SYNJ1: variants seen among roughly 807,000 people sequenced by gnomAD.
The protein encoded by SYNJ1 is polyphosphatidylinositol phosphatase SYNJ1.
A neutral mutation model predicts 168.2 loss-of-function variants in SYNJ1; 78 were observed. The ratio of observed to expected loss-of-function variants is 0.46; its 90% CI spans 0.39 to 0.56. The LOEUF is 0.56. Among genes scored for constraint, SYNJ1 ranks in the 20% least tolerant of loss-of-function variants. SYNJ1 has a pLI of 0.00. For synonymous variants in SYNJ1, 539 were observed against 548.6 expected, an observed-to-expected ratio of 0.98 and a Z score of 0.24; for missense variants, 1,303 against 1,597.6, an observed-to-expected ratio of 0.82 and a Z score of 3.14.
intron 5 of SYNJ1, among the ~76,000 whole-genome samples, chr21:32,694,748 T>G (rs548116778): frequency 6.6e-4 from 101 of 152,272 alleles, no homozygotes; most frequent in African/African-American, 2.4e-3. Context: ...TTAATTTCAC[T>G]TCACAAAAAA....
chr21:32,652,409 C>T (rs1438963255), intron 22 of SYNJ1, among the ~76,000 whole-genome samples: 1 of 152,182 alleles, frequency 6.6e-6, no homozygotes, highest in Non-Finnish European at 1.5e-5. Flanking sequence ...CCATGTTGGC[C>T]AGGCTGGTCT....
At chr21:32,718,490 T>C (rs1182105199) in intron 2 of SYNJ1, among the ~76,000 whole-genome samples, 2 of 152,194 alleles carry the variant, frequency 1.3e-5, no homozygotes, top group Non-Finnish European at 2.9e-5. Flanking sequence ...AAATGAATTT[T>C]TGCAACCCTA....
At position 32,628,888 on chromosome 21, in the gene SYNJ1, A is replaced by G. The variant is rs1398243097; in HGVS notation, c.*2917T>C. 1 of 152,700 alleles carries G rather than the reference A, an allele frequency of 6.5e-6. No individual in the cohort carries two copies. Among genetic ancestry groups the G allele is most frequent in the Non-Finnish European group, 1.5e-5 (1 of 68,052 alleles). 9.5% of individuals were successfully genotyped at this position (152,700 alleles called of 1,614,324 possible). A position where few individuals can be genotyped will look rare whatever the true frequency, so the allele number is the denominator to read the frequency against. On this transcript the variant is annotated 3_prime_UTR_variant, in exon 33 of 33. Coordinates refer to ENST00000674351, the MANE Select transcript of SYNJ1 (RefSeq NM_203446.3). ...TATAGTTATAAATATTGTATGCCAC[A>G]TAAGCAATAAAATTCTTACATATAA...
At chr21:32,688,420 A>G in intron 6 of SYNJ1, 53 bp from the exon 7 acceptor site, 1 of 1,473,928 alleles carries the variant, frequency 6.8e-7, no homozygotes, top group Non-Finnish European at 9.4e-7. Context: ...TATAGACGAA[A>G]GAAATATCAC....
chr21:32,717,337 T>C (rs1243709450), intron 2 of SYNJ1, among the ~76,000 whole-genome samples: 1 of 152,194 alleles, frequency 6.6e-6, no homozygotes, highest in African/African-American at 2.4e-5. Context: ...ATATTTACAA[T>C]AGCTGTTTTA....
At chr21:32,636,702 T>C (rs2039581153) in intron 31 of SYNJ1, among the ~76,000 whole-genome samples, 1 of 152,026 alleles carries the variant, frequency 6.6e-6, no homozygotes, top group Non-Finnish European at 1.5e-5. Context: ...CTCACCTGCC[T>C]CCTGGCCCCC....
intron 15 of SYNJ1, among the ~76,000 whole-genome samples, chr21:32,667,877 C>A (rs1455442961): frequency 6.6e-6 from 1 of 152,066 alleles, no homozygotes; most frequent in African/African-American, 2.4e-5. Context: ...TTTCTTCCCA[C>A]TAGAATACGA....
chr21:32,717,944 G>A (rs977969610), intron 2 of SYNJ1, among the ~76,000 whole-genome samples: 1 of 152,194 alleles, frequency 6.6e-6, no homozygotes, highest in Non-Finnish European at 1.5e-5. Flanking sequence ...GTAAGCTGGA[G>A]CATTCATAAA....
intron 29 of SYNJ1, among the ~76,000 whole-genome samples, chr21:32,640,419 C>A (rs2039779853): frequency 6.6e-6 from 1 of 152,056 alleles, no homozygotes. Flanking sequence ...CCTCAGCCTT[C>A]CGAGTAGCTG....
At chr21:32,676,652 G>A (rs572906888) in intron 12 of SYNJ1, among the ~76,000 whole-genome samples, 2 of 152,236 alleles carry the variant, frequency 1.3e-5, no homozygotes, top group African/African-American at 4.8e-5. Context: ...GCATGCATGC[G>A]CACATGTTTG....
Position 32,641,849 on chromosome 21 carries a change from AG to A in SYNJ1, c.3588+46del, listed in dbSNP as rs749706095. The A allele has an allele frequency of 2.4e-5, 35 of 1,434,714 alleles. No homozygotes were observed. In the African/African-American group the frequency reaches 2.6e-4, roughly 11 times the overall value. 88.9% of individuals were successfully genotyped at this position (1,434,714 alleles called of 1,614,324 possible). A position where few individuals can be genotyped will look rare whatever the true frequency, so the allele number is the denominator to read the frequency against. On this transcript the variant is annotated intron_variant, in intron 29 of 32. Coordinates refer to ENST00000674351, the MANE Select transcript of SYNJ1 (RefSeq NM_203446.3). Reference sequence around the variant, plus strand: ...GTAACAAAACTGACTAGTAGTAAACAGGACTTAGAACCGAGACCCCTTGGCC... The same window carrying A: ...GTAACAAAACTGACTAGTAGTAAACAGACTTAGAACCGAGACCCCTTGGCC...
At chr21:32,644,896 T>A in intron 26 of SYNJ1, 72 bp downstream of exon 26, 2 of 1,504,464 alleles carry the variant, frequency 1.3e-6, no homozygotes, top group Non-Finnish European at 1.8e-6. Context: ...ATCAAACAAA[T>A]CTAAAATGTC....
At chr21:32,717,581 C>T (rs1324226486) in intron 2 of SYNJ1, among the ~76,000 whole-genome samples, 1 of 152,062 alleles carries the variant, frequency 6.6e-6, no homozygotes, top group African/African-American at 2.4e-5. Context: ...AGCAGTATAC[C>T]CTTTGCAGTA....
chr21:32,686,683 T>C (rs910706199), intron 8 of SYNJ1, among the ~76,000 whole-genome samples: 6 of 152,134 alleles, frequency 3.9e-5, no homozygotes, highest in Non-Finnish European at 5.9e-5. Context: ...TCTCTACTAG[T>C]GACAGATAAA....
intron 15 of SYNJ1, among the ~76,000 whole-genome samples, 163 bp from the exon 16 acceptor site, chr21:32,666,736 C>G (rs1441606730): frequency 4.6e-5 from 7 of 151,966 alleles, no homozygotes; most frequent in Non-Finnish European, 1.0e-4. Flanking sequence ...ACAATTTAGC[C>G]AAAAGAAAAC....
intron 10 of SYNJ1, among the ~76,000 whole-genome samples, chr21:32,682,344 C>T (rs551472285): frequency 2.5e-4 from 38 of 152,256 alleles, no homozygotes; most frequent in African/African-American, 9.1e-4. Flanking sequence ...CGATCTTTAT[C>T]CAATCTGTGT....
chr21:32,639,043 C>A lies in SYNJ1; in HGVS notation c.3780G>T (p.Leu1260Phe), dbSNP rs758900160. ...CTGCCACAGGGACAAGAGGCTCTTGCAACCTTTGAGCAGGCGGGGGCAAAG... is the reference window on the plus strand; with the variant it reads ...CTGCCACAGGGACAAGAGGCTCTTGAAACCTTTGAGCAGGCGGGGGCAAAG... ...QSSLPPPAQR[L>F]QEPLVPVAAP... Residue 1260 changes from leucine (L) to phenylalanine (F), a missense_variant, in exon 31 of 33, where the codon TTG (leucine) becomes TTT (phenylalanine). Leu to Phe is a conservative substitution (Grantham distance 22). Transcript: ENST00000674351. 2.5e-6 allele frequency: 4 copies of A among 1,613,958 alleles called. No homozygotes were observed. In the South Asian group the frequency reaches 4.4e-5, roughly 18 times the overall value.
intron 2 of SYNJ1, among the ~76,000 whole-genome samples, chr21:32,723,034 G>A (rs2043305345): frequency 6.6e-6 from 1 of 152,168 alleles, no homozygotes; most frequent in African/African-American, 2.4e-5. Context: ...AGAATATCCA[G>A]GGGGCTAGAG....
At chr21:32,721,640 C>T (rs1569138212) in intron 2 of SYNJ1, among the ~76,000 whole-genome samples, 1 of 151,380 alleles carries the variant, frequency 6.6e-6, no homozygotes, top group African/African-American at 2.4e-5. Context: ...GATTGCACCA[C>T]TGCACTCCAA....
Sources: gnomAD v4.1 joint callset for allele counts (sites outside exome capture counted in the v4.1 genomes callset) on GRCh38, gnomAD v4.1.1 for gene constraint, MANE v1.5 for transcripts, NCBI Gene and HGNC (gene_info 2026-07-23, HGNC 2026-07-21) for gene names.